Variants in ANK2 observed in about 807,000 individuals in gnomAD.
ANK2 encodes ankyrin-2.
In ANK2, 83 loss-of-function variants were observed where a neutral mutation model predicts 360.5. The ratio of observed to expected loss-of-function variants is 0.23; its 90% CI spans 0.19 to 0.28. The LOEUF (loss-of-function observed/expected upper bound fraction) is 0.28. Ranked by LOEUF, ANK2 falls within the 10% of genes least tolerant of loss-of-function variation. The pLI is 1.00. For missense variants in ANK2, 4,201 were observed against 4,795.7 expected, an observed-to-expected ratio of 0.88 and a Z score of 3.66; for synonymous variants, 1,740 against 1,759.5, an observed-to-expected ratio of 0.99 and a Z score of 0.28.
At chr4:112,774,712 G>A in the ANK2 span, among the ~76,000 whole-genome samples, 13 of 152,260 alleles carry the variant, frequency 8.5e-5, no homozygotes, top group Admixed American at 5.2e-4. Context: ...AAGAAAGAGG[G>A]GTGGAAACGG....
At chr4:113,003,042 A>T (rs1412175087) in intron 2 of ANK2, among the ~76,000 whole-genome samples, 1 of 152,208 alleles carries the variant, frequency 6.6e-6, no homozygotes, top group East Asian at 1.9e-4. Context: ...TTTTGCAGAC[A>T]TTATTAATGG....
At chr4:112,837,432 G>T (rs1336129289) in intron 1 of ANK2, among the ~76,000 whole-genome samples, 1 of 152,252 alleles carries the variant, frequency 6.6e-6, no homozygotes, top group African/African-American at 2.4e-5. Flanking sequence ...GGGAAATGTG[G>T]GTTTGGAGAC....
intron 1 of ANK2, among the ~76,000 whole-genome samples, chr4:112,820,905 TTTTATTTA>T (rs1161897227): frequency 6.6e-6 from 1 of 151,928 alleles, no homozygotes; most frequent in Non-Finnish European, 1.5e-5. Flanking sequence ...CCGGGATAAT[TTTTATTTA>T]TTTATTTATT....
At chr4:113,276,020 C>G (rs993471532) in intron 15 of ANK2, among the ~76,000 whole-genome samples, 6 of 148,522 alleles carry the variant, frequency 4.0e-5, no homozygotes, top group African/African-American at 1.3e-4. Flanking sequence ...TGGCTCACTG[C>G]AACCTCTGCC....
chr4:113,297,917 G>A (rs917420860), intron 22 of ANK2, among the ~76,000 whole-genome samples: 2 of 151,938 alleles, frequency 1.3e-5, no homozygotes, highest in Non-Finnish European at 2.9e-5. Flanking sequence ...CTACTCGGGA[G>A]TAGTAGGTGG....
At chr4:113,192,921 A>ATTTTT (rs5861126) in intron 2 of ANK2, among the ~76,000 whole-genome samples, 1 of 110,148 alleles carries the variant, frequency 9.1e-6, no homozygotes. Context: ...GGATTGCATT[A>ATTTTT]TTTAAAAAAA....
intron 1 of ANK2, among the ~76,000 whole-genome samples, chr4:112,862,503 C>A (rs906898923): frequency 1.3e-5 from 2 of 151,968 alleles, no homozygotes; most frequent in Non-Finnish European, 2.9e-5. Flanking sequence ...CAGCTGTATA[C>A]CAGAGTTCTA....
intron 2 of ANK2, among the ~76,000 whole-genome samples, chr4:112,988,990 G>A (rs1407368664): frequency 3.3e-5 from 5 of 152,276 alleles, no homozygotes; most frequent in South Asian, 4.1e-4. Context: ...TTTTCTCTGT[G>A]TAGACAAATG....
chr4:112,828,138 A>G (rs1423547183), intron 1 of ANK2, among the ~76,000 whole-genome samples: 1 of 151,540 alleles, frequency 6.6e-6, no homozygotes, highest in South Asian at 2.1e-4. Flanking sequence ...TTCAATAAAC[A>G]CTGCTGGGAT....
At chr4:113,272,253 G>A (rs1036655614) in intron 14 of ANK2, among the ~76,000 whole-genome samples, 8 of 152,210 alleles carry the variant, frequency 5.3e-5, no homozygotes, top group Non-Finnish European at 5.9e-5. Context: ...TGGCAAAGCA[G>A]AGCTCACCTA....
chr4:112,986,416 A>C (rs2044886568), intron 2 of ANK2, among the ~76,000 whole-genome samples: 1 of 152,222 alleles, frequency 6.6e-6, no homozygotes, highest in African/African-American at 2.4e-5. Flanking sequence ...GCAAATTGTA[A>C]AAGCCCCAGA....
chr4:112,709,600 T>A, the ANK2 span, among the ~76,000 whole-genome samples: 1 of 151,854 alleles, frequency 6.6e-6, no homozygotes, highest in Non-Finnish European at 1.5e-5. Context: ...AATACAAAAA[T>A]TAGCTGGGTG....
At chr4:113,147,730 C>A (rs1192215118) in intron 1 of ANK2, among the ~76,000 whole-genome samples, 1 of 152,186 alleles carries the variant, frequency 6.6e-6, no homozygotes, top group Non-Finnish European at 1.5e-5. Flanking sequence ...GAATGTAAGA[C>A]TCACAAACAT....
the ANK2 span, among the ~76,000 whole-genome samples, chr4:112,779,527 GA>G: frequency 2.0e-5 from 3 of 148,500 alleles, no homozygotes; most frequent in Non-Finnish European, 3.0e-5. Flanking sequence ...TCTAAAAAAA[GA>G]AAAAAAAAGG....
intron 23 of ANK2, among the ~76,000 whole-genome samples, chr4:113,310,443 G>A (rs1051316320): frequency 2.0e-5 from 3 of 151,748 alleles, no homozygotes; most frequent in African/African-American, 7.3e-5. Context: ...TTTTAGATGA[G>A]TCTCACTCTG....
intron 1 of ANK2, among the ~76,000 whole-genome samples, chr4:113,167,917 G>C (rs1478370681): frequency 3.3e-5 from 5 of 152,118 alleles, no homozygotes; most frequent in African/African-American, 1.2e-4. Context: ...TATTGATGGT[G>C]CATATAGATA....
intron 26 of ANK2, chr4:113,323,882 G>C (rs1002492573): frequency 7.6e-7 from 1 of 1,307,622 alleles, no homozygotes; most frequent in Non-Finnish European, 1.1e-6. Flanking sequence ...CTTGCCTCAG[G>C]ATGCTTTAGT....
rs755009874 is a variant in ANK2, at chr4:113,355,328, C to T, written c.6710C>T (p.Ala2237Val). The T allele has an allele frequency of 1.2e-6, 2 of 1,613,982 alleles. No individual in the cohort carries two copies. The highest frequency in any genetic ancestry group is 2.2e-5 in the South Asian group (2 of 91,076). The change falls in exon 38 of 46, where the codon GCA (alanine) becomes GTA (valine). Residue 2237 changes from alanine to valine, a missense_variant. Ala to Val is a moderately conservative substitution (Grantham distance 64). Transcript: ENST00000357077. ...SEESYKHEGL[A>V]ETPETSPESL... Reference sequence around the variant, plus strand: ...GAAAGCTATAAGCATGAAGGCCTAGCAGAGACCCCTGAGACGAGCCCAGAA... The same window carrying T: ...GAAAGCTATAAGCATGAAGGCCTAGTAGAGACCCCTGAGACGAGCCCAGAA...
chr4:113,232,733 C>A (rs1173252247), intron 5 of ANK2, among the ~76,000 whole-genome samples: 6 of 151,590 alleles, frequency 4.0e-5, no homozygotes, highest in Admixed American at 3.9e-4. Context: ...CAAATTATGA[C>A]ACATGGTTGT....
Sources: gnomAD v4.1 joint callset for allele counts (sites outside exome capture counted in the v4.1 genomes callset) on GRCh38, gnomAD v4.1.1 for gene constraint, MANE v1.5 for transcripts, NCBI Gene and HGNC (gene_info 2026-07-23, HGNC 2026-07-21) for gene names.